Variants in SEZ6L observed in about 807,000 individuals in gnomAD.
SEZ6L encodes the protein seizure 6-like protein.
In SEZ6L, 37 loss-of-function variants were observed where a neutral mutation model predicts 106.2. That is an observed-to-expected ratio of 0.35 (90% confidence interval 0.27 to 0.46). SEZ6L has a LOEUF of 0.46. Ranked by LOEUF, SEZ6L falls within the 20% of genes least tolerant of loss-of-function variation. The probability of loss-of-function intolerance (pLI) is 1.00; values close to 1 mark genes in which losing one functional copy is unlikely to be tolerated. For synonymous variants in SEZ6L, 541 were observed against 570.4 expected (o/e 0.95, Z 0.73); for missense variants, 1,172 against 1,332.8 (o/e 0.88, Z 1.88).
At position 26,363,629 on chromosome 22, in the gene SEZ6L, G is replaced by A. The variant is rs5997079; in HGVS notation, c.2600-1743G>A. On this transcript the variant is annotated intron_variant, in intron 12 of 16. Coordinates refer to ENST00000248933, the MANE Select transcript of SEZ6L (RefSeq NM_021115.5). ...CTTGAAGGCATGCTTGAGATTCATCGTGCAAAATGAGACGCTTCAAACAAC... is the reference window on the plus strand; with the variant it reads ...CTTGAAGGCATGCTTGAGATTCATCATGCAAAATGAGACGCTTCAAACAAC... 6.5e-3 allele frequency among the ~76,000 whole-genome samples: 997 copies of A among 152,276 alleles called. 8 individuals carry two copies. Among genetic ancestry groups the A allele is most frequent in the African/African-American group, 0.023 (953 of 41,550 alleles).
intron 13 of SEZ6L, among the ~76,000 whole-genome samples, chr22:26,366,845 T>G (rs1386428904): frequency 6.6e-6 from 1 of 152,150 alleles, no homozygotes. Flanking sequence ...GACAGGGTCT[T>G]GCTATGTTGG....
chr22:26,348,892 GGGGAGGGAAGGAATGAAAGAGGGGA>G (rs1329164498), intron 11 of SEZ6L, among the ~76,000 whole-genome samples: 1 of 80,044 alleles, frequency 1.2e-5, no homozygotes, highest in Admixed American at 1.2e-4. Context: ...AGGGGAGGGA[GGGGAGGGAAGGAATGAAAGAGGGGA>G]GGGAGGGAAG....
At chr22:26,345,379 C>A (rs1353943192) in intron 10 of SEZ6L, among the ~76,000 whole-genome samples, 2 of 152,194 alleles carry the variant, frequency 1.3e-5, no homozygotes, top group Non-Finnish European at 2.9e-5. Flanking sequence ...GGAGGTCCCA[C>A]GGGAGCGTGC....
intron 6 of SEZ6L, among the ~76,000 whole-genome samples, chr22:26,307,898 G>GCC (rs879496108): frequency 5.9e-5 from 9 of 152,024 alleles, no homozygotes; most frequent in Admixed American, 2.6e-4. Flanking sequence ...TGACAAATGG[G>GCC]CCCCCCACTG....
chr22:26,177,065 A>G (rs555744049), intron 1 of SEZ6L, among the ~76,000 whole-genome samples: 35 of 152,294 alleles, frequency 2.3e-4, no homozygotes, highest in African/African-American at 7.7e-4. Flanking sequence ...TTCTCAACCC[A>G]TTATGTTAAA....
intron 1 of SEZ6L, among the ~76,000 whole-genome samples, chr22:26,231,348 G>A (rs770284826): frequency 8.5e-5 from 13 of 152,174 alleles, no homozygotes; most frequent in South Asian, 4.1e-4. Context: ...TCTGGTGAGC[G>A]TGTCTTATGG....
At chr22:26,357,645 A>G (rs931986382) in intron 12 of SEZ6L, among the ~76,000 whole-genome samples, 1 of 152,198 alleles carries the variant, frequency 6.6e-6, no homozygotes, top group Non-Finnish European at 1.5e-5. Context: ...TAAAATATAT[A>G]TATAGAATAA....
intron 1 of SEZ6L, among the ~76,000 whole-genome samples, chr22:26,231,064 A>T (rs937984112): frequency 6.6e-6 from 1 of 152,250 alleles, no homozygotes; most frequent in East Asian, 1.9e-4. Context: ...GTTAAGCAGC[A>T]ACTTTTATTG....
At chr22:26,193,557 T>G (rs576169803) in intron 1 of SEZ6L, among the ~76,000 whole-genome samples, 1 of 152,344 alleles carries the variant, frequency 6.6e-6, no homozygotes, top group South Asian at 2.1e-4. Flanking sequence ...ATTAGACATT[T>G]TTGAACATTT....
Position 26,347,783 on chromosome 22 carries a change from T to C in SEZ6L, c.2277T>C (p.Ser759=), listed in dbSNP as rs1173875821. 3 of 1,610,288 alleles carry C rather than the reference T, an allele frequency of 1.9e-6. No homozygotes were observed. The highest frequency in any genetic ancestry group is 2.5e-6 in the Non-Finnish European group (3 of 1,178,702). The change falls in exon 11 of 17, where the codon TCT becomes TCC. Residue 759 remains serine (S), a synonymous_variant. Coordinates refer to ENST00000248933, the MANE Select transcript of SEZ6L (RefSeq NM_021115.5). ...TCCAGAATGGCTGGAAAACCACTTC[T>C]CACACGGAGTTGGTGCGGGGAGCCA... ...PEIQNGWKTT[S]HTELVRGARI...
intron 9 of SEZ6L, among the ~76,000 whole-genome samples, chr22:26,339,184 G>T (rs909261900): frequency 1.4e-4 from 21 of 152,034 alleles, no homozygotes; most frequent in Non-Finnish European, 2.5e-4. Flanking sequence ...AATCTAAATA[G>T]ATCACTACTC....
At chr22:26,320,056 A>G (rs2082112524) in intron 9 of SEZ6L, among the ~76,000 whole-genome samples, 1 of 152,226 alleles carries the variant, frequency 6.6e-6, no homozygotes, top group Non-Finnish European at 1.5e-5. Flanking sequence ...ATAAGAAATA[A>G]CATTTGGCTA....
chr22:26,339,635 C>T (rs1213832127), intron 9 of SEZ6L, among the ~76,000 whole-genome samples: 1 of 152,154 alleles, frequency 6.6e-6, no homozygotes, highest in African/African-American at 2.4e-5. Flanking sequence ...TCTGCCCTAC[C>T]CCTTAAACAT....
intron 14 of SEZ6L, among the ~76,000 whole-genome samples, chr22:26,373,798 T>C (rs1179562540): frequency 6.6e-6 from 1 of 152,206 alleles, no homozygotes; most frequent in Non-Finnish European, 1.5e-5. Context: ...ATGATGCCAT[T>C]CTAGAAGGGG....
chr22:26,265,615 G>A (rs962725157), intron 1 of SEZ6L, among the ~76,000 whole-genome samples: 10 of 152,126 alleles, frequency 6.6e-5, no homozygotes, highest in East Asian at 3.9e-4. Flanking sequence ...GCCTGCCTTC[G>A]TTCCTATCCA....
Position 26,340,477 on chromosome 22 carries a change from G to A in SEZ6L, c.2057G>A (p.Gly686Asp), listed in dbSNP as rs1317782112. 2.5e-6 allele frequency: 4 copies of A among 1,613,872 alleles called. No homozygotes were observed. The highest frequency in any genetic ancestry group is 2.2e-5 in the South Asian group (2 of 91,046). ...SNSDILTIYD[G>D]DEVMPHILGQ... Reference sequence around the variant, plus strand: ...AGTGACATCTTGACCATCTACGATGGCGACGAGGTCATGCCCCACATCTTG... The same window carrying A: ...AGTGACATCTTGACCATCTACGATGACGACGAGGTCATGCCCCACATCTTG... The change falls in exon 10 of 17, where the codon GGC becomes GAC. Residue 686 changes from glycine to aspartate, a missense_variant. This residue lies in a region of SEZ6L where 534 missense variants were observed against 691.0 expected (regional missense o/e 0.77). Transcript: ENST00000248933.
intron 1 of SEZ6L, among the ~76,000 whole-genome samples, chr22:26,274,413 A>G (rs1386681733): frequency 1.3e-5 from 2 of 152,174 alleles, no homozygotes; most frequent in South Asian, 4.1e-4. Context: ...ACAAGCACTT[A>G]TCACCATTGG....
At chr22:26,198,696 C>T (rs947329812) in intron 1 of SEZ6L, among the ~76,000 whole-genome samples, 56 of 152,222 alleles carry the variant, frequency 3.7e-4, no homozygotes, top group African/African-American at 1.3e-3. Context: ...TAGCAATAGA[C>T]AGAATGGCCA....
intron 5 of SEZ6L, 85 bp from the exon 6 acceptor site, chr22:26,305,894 C>T: frequency 7.4e-7 from 1 of 1,355,906 alleles, no homozygotes; most frequent in Non-Finnish European, 1.0e-6. Flanking sequence ...TTCCTTCTCT[C>T]TCTCTCTCTC....
Sources: gnomAD v4.1 joint callset for allele counts (sites outside exome capture counted in the v4.1 genomes callset) on GRCh38, gnomAD v4.1.1 for gene constraint, gnomAD v4.1.1 regional missense constraint, MANE v1.5 for transcripts, NCBI Gene and HGNC (gene_info 2026-07-23, HGNC 2026-07-21) for gene names.